JAK1: variants seen among roughly 807,000 people sequenced by gnomAD.
JAK1 encodes the protein Janus kinase 1.
Under a neutral mutation model 136.6 loss-of-function variants are expected in JAK1, and 16 were observed. That is an observed-to-expected ratio of 0.12 (90% CI 0.08 to 0.18). JAK1 has a LOEUF of 0.18. JAK1 is among the 10% of genes least tolerant of loss of function. The pLI, the probability that JAK1 is intolerant of heterozygous loss-of-function variation, is 1.00. For synonymous variants in JAK1, 492 were observed against 519.5 expected (o/e 0.95, Z 0.72); for missense variants, 859 against 1,450.1 (o/e 0.59, Z 6.62).
At chr1:64,845,746 T>G in intron 14 of JAK1, 106 bp from the exon 15 acceptor site, 1 of 1,362,208 alleles carries the variant, frequency 7.3e-7, no homozygotes, top group Non-Finnish European at 1.0e-6. Context: ...GGCCTCAGAG[T>G]ACACAGATAT....
At chr1:64,892,035 CAGTA>C (rs772873034) in intron 1 of JAK1, among the ~76,000 whole-genome samples, 8 of 152,370 alleles carry the variant, frequency 5.3e-5, no homozygotes, top group African/African-American at 9.6e-5. Flanking sequence ...TGCTTAAAGT[CAGTA>C]AGTGTCTTTC....
Position 64,867,141 on chromosome 1 carries a change from G to A in JAK1, c.715C>T (p.Arg239Trp), listed in dbSNP as rs773295622. The A allele has an allele frequency of 1.9e-6, 3 of 1,612,450 alleles. No individual in the cohort carries two copies. The highest frequency in any genetic ancestry group is 1.3e-5 in the African/African-American group (1 of 75,042). The change falls in exon 7 of 25, where the codon CGG becomes TGG. Residue 239 changes from arginine to tryptophan, a missense_variant. Arg to Trp is a moderately radical substitution (Grantham distance 101, BLOSUM62 -3). This residue lies in a region of JAK1 where 353 missense variants were observed against 494.0 expected (regional missense o/e 0.71). Transcript: ENST00000342505. Reference sequence around the variant, plus strand: ...AAATCCTTGAAAACATTATTTATCCGCATCCTGGTGAGAAGGTTCCTCTGT... The same window carrying A: ...AAATCCTTGAAAACATTATTTATCCACATCCTGGTGAGAAGGTTCCTCTGT... ...IRQRNLLTRM[R>W]INNVFKDFLK... is the part of the protein sequence containing the mutation.
chr1:64,997,007 AC>A (rs1364379274), intron 2 of JAK1, among the ~76,000 whole-genome samples: 1 of 152,240 alleles, frequency 6.6e-6, no homozygotes, highest in African/African-American at 2.4e-5. Context: ...ATACTGTCAT[AC>A]ACATGGGTTT....
intron 1 of JAK1, among the ~76,000 whole-genome samples, chr1:64,910,875 C>G (rs886906167): frequency 6.7e-6 from 1 of 148,218 alleles, no homozygotes; most frequent in Non-Finnish European, 1.5e-5. Context: ...CAACATAGGG[C>G]ATTTAGATTC....
chr1:65,032,799 C>T (rs1647035487), intron 2 of JAK1, among the ~76,000 whole-genome samples: 1 of 152,078 alleles, frequency 6.6e-6, no homozygotes, highest in African/African-American at 2.4e-5. Context: ...GACTGCCCAC[C>T]AGTGTTATGG....
At chr1:64,882,979 G>A (rs556210409) in intron 3 of JAK1, among the ~76,000 whole-genome samples, 1 of 152,292 alleles carries the variant, frequency 6.6e-6, no homozygotes, top group Non-Finnish European at 1.5e-5. Context: ...GTGGGGAAAT[G>A]AGAACTGAGC....
At chr1:64,977,595 T>G (rs1346932430) in intron 2 of JAK1, among the ~76,000 whole-genome samples, 2 of 151,946 alleles carry the variant, frequency 1.3e-5, no homozygotes, top group East Asian at 3.9e-4. Context: ...CATGCCCGGC[T>G]AATTTTTTGT....
intron 2 of JAK1, chr1:64,990,563 T>C (rs79819913): frequency 0.099 from 15,054 of 151,798 alleles, 919 homozygotes; most frequent in East Asian, 0.27. Context: ...AGTCCAGTTT[T>C]CAAAAACAAC....
intron 2 of JAK1, chr1:64,992,946 C>T (rs994196848): frequency 1.3e-5 from 2 of 150,858 alleles, no homozygotes; most frequent in Admixed American, 6.6e-5. Context: ...TGAGCTTATC[C>T]TCTAATGTCC....
chr1:64,857,848 C>T, intron 9 of JAK1, 69 bp from the exon 10 acceptor site: 1 of 1,582,634 alleles, frequency 6.3e-7, no homozygotes, highest in Non-Finnish European at 8.6e-7. Context: ...CTGGGCTATC[C>T]ACTCTCCTGA....
chr1:64,900,917 C>A (rs1645095270), intron 1 of JAK1, among the ~76,000 whole-genome samples: 1 of 152,154 alleles, frequency 6.6e-6, no homozygotes, highest in Admixed American at 6.6e-5. Flanking sequence ...CTTTGCTGTC[C>A]CCACTCATCC....
chr1:65,040,875 A>C (rs1395175433), intron 2 of JAK1, among the ~76,000 whole-genome samples: 1 of 152,194 alleles, frequency 6.6e-6, no homozygotes, highest in African/African-American at 2.4e-5. Flanking sequence ...AAACACAAGA[A>C]AACATGGCAA....
In JAK1 at chr1:64,850,926, G is replaced by A. The variant is rs757169462; in HGVS notation, c.1649-16C>T. 7.0e-6 allele frequency: 11 copies of A among 1,564,996 alleles called. No homozygotes were observed. Among genetic ancestry groups the A allele is most frequent in the Non-Finnish European group, 9.7e-6 (11 of 1,135,640 alleles). Reference sequence around the variant, plus strand: ...TTGGAGATTTCTGTGGAAGAGATTGGGGGAGTCTGAGCACAGCACCCAAGA... The same window carrying A: ...TTGGAGATTTCTGTGGAAGAGATTGAGGGAGTCTGAGCACAGCACCCAAGA... On this transcript the variant is annotated splice_polypyrimidine_tract_variant and intron_variant, in intron 11 of 24. Coordinates refer to ENST00000342505, the MANE Select transcript of JAK1 (RefSeq NM_002227.4).
intron 5 of JAK1, among the ~76,000 whole-genome samples, chr1:64,872,953 C>T (rs1030964611): frequency 3.3e-5 from 5 of 152,082 alleles, no homozygotes; most frequent in African/African-American, 9.7e-5. Context: ...TTCTATCCTA[C>T]CACCAGTGAC....
chr1:65,055,486 G>A (rs930224777), intron 1 of JAK1, among the ~76,000 whole-genome samples: 4 of 152,172 alleles, frequency 2.6e-5, no homozygotes, highest in African/African-American at 9.7e-5. Flanking sequence ...TCAGAGTGCC[G>A]CCTTTCACAT....
rs772951153 is a variant in JAK1 at position 64,883,421 on chromosome 1, T to C, written c.61A>G (p.Ser21Gly). The C allele has an allele frequency of 1.2e-6, 2 of 1,614,134 alleles. No homozygotes were observed. Among genetic ancestry groups the C allele is most frequent in the South Asian group, 2.2e-5 (2 of 91,078 alleles). Residue 21 changes from serine (S) to glycine (G), a missense_variant, in exon 3 of 25, where the codon AGC becomes GGC. Ser to Gly is a moderately conservative substitution (Grantham distance 56, BLOSUM62 0). Transcript: ENST00000342505. ...NAMAFCAKMRSSKKTEVNLEA... is the reference protein window; with the variant it reads ...NAMAFCAKMRGSKKTEVNLEA... Reference sequence around the variant, plus strand: ...AGGTTCACCTCAGTCTTCTTGGAGCTCCTCATTTTAGCACAGAAAGCCATG... The same window carrying C: ...AGGTTCACCTCAGTCTTCTTGGAGCCCCTCATTTTAGCACAGAAAGCCATG...
At chr1:64,978,497 T>C (rs750871107) in intron 2 of JAK1, among the ~76,000 whole-genome samples, 1 of 152,192 alleles carries the variant, frequency 6.6e-6, no homozygotes, top group Non-Finnish European at 1.5e-5. Context: ...TTCCTATAAT[T>C]AACGGCAACA....
chr1:64,998,605 C>T (rs1646724922), intron 2 of JAK1, among the ~76,000 whole-genome samples: 1 of 152,174 alleles, frequency 6.6e-6, no homozygotes, highest in African/African-American at 2.4e-5. Context: ...TGTGTCCCCA[C>T]CCAAATCTCA....
At chr1:64,974,254 A>T (rs1483122337) in intron 2 of JAK1, 1 of 152,200 alleles carries the variant, frequency 6.6e-6, no homozygotes, top group East Asian at 1.9e-4. Context: ...TCTTCCTCAG[A>T]TACTTCAACT....
Sources: allele counts gnomAD v4.1 joint callset (sites outside exome capture counted in the v4.1 genomes callset), GRCh38; gene constraint gnomAD v4.1.1; regional missense constraint gnomAD v4.1.1; transcripts MANE v1.5; gene names NCBI Gene and HGNC (gene_info 2026-07-23, HGNC 2026-07-21).